PCDHGA7: variants seen among roughly 807,000 people sequenced by gnomAD.
The protein encoded by PCDHGA7 is protocadherin gamma subfamily A, 7.
A neutral mutation model predicts 58.3 loss-of-function variants in PCDHGA7; 44 were observed. That is an observed-to-expected ratio of 0.75 (90% CI 0.59 to 0.97). PCDHGA7 has a LOEUF of 0.97. Among genes scored for constraint, PCDHGA7 ranks in the 50% least tolerant of loss-of-function variants. The pLI is 0.00. For missense variants in PCDHGA7, 1,266 were observed against 1,188.7 expected, an observed-to-expected ratio of 1.06 and a Z score of -0.96; for synonymous variants, 516 against 504.2, an observed-to-expected ratio of 1.02 and a Z score of -0.31.
intron 1 of PCDHGA7, chr5:141,402,790 A>T: frequency 2.1e-6 from 2 of 961,358 alleles, no homozygotes; most frequent in Non-Finnish European, 2.9e-6. Context: ...TTCTGCGGCT[A>T]CACAAAACCC....
Position 141,444,152 on chromosome 5 carries a change from ATTTTTTTTTTTTTTTTT to A in PCDHGA7, c.2425-50635_2425-50619del, listed in dbSNP as rs747671382. Among the ~76,000 whole-genome samples, 167 of 33,906 alleles carry A rather than the reference ATTTTTTTTTTTTTTTTT, an allele frequency of 4.9e-3. 1 individual carries two copies. The highest frequency in any genetic ancestry group is 7.0e-3 in the Non-Finnish European group (136 of 19,318). The allele number at this position is 33,906 out of a possible 152,430, so 22.2% of individuals were successfully genotyped here. A position where few individuals can be genotyped will look rare whatever the true frequency, so the allele number is the denominator to read the frequency against. On this transcript the variant is annotated intron_variant, in intron 1 of 3. Coordinates refer to ENST00000518325, the MANE Select transcript of PCDHGA7 (RefSeq NM_018920.4). ...GATATGTGTCACTTGTGTGTACTGG[ATTTTTTTTTTTTTTTTT>A]TTTTTTTTTTTTTTTTTTTGAGATG...
chr5:141,459,687 G>A (rs191874235), intron 1 of PCDHGA7, among the ~76,000 whole-genome samples: 15 of 152,278 alleles, frequency 9.9e-5, no homozygotes, highest in Admixed American at 2.0e-4. Context: ...TGCATAAAGC[G>A]TTCCGCTTGC....
At chr5:141,415,540 T>C (rs1202920204) in intron 1 of PCDHGA7, 9 of 1,614,184 alleles carry the variant, frequency 5.6e-6, no homozygotes, top group Non-Finnish European at 7.6e-6. Context: ...CCAGGAGAGC[T>C]GTGAGAAAAA....
chr5:141,430,939 G>A, intron 1 of PCDHGA7: 1 of 1,607,854 alleles, frequency 6.2e-7, no homozygotes, highest in South Asian at 1.1e-5. Flanking sequence ...GGGAGCTCGC[G>A]GAGCGCGGAG....
rs750393068 is a variant in PCDHGA7 at position 141,383,324 on chromosome 5, T to C, written c.425T>C (p.Ile142Thr). The C allele has an allele frequency of 1.2e-6, 2 of 1,613,904 alleles. No individual in the cohort carries two copies. The highest frequency in any genetic ancestry group is 1.3e-5 in the African/African-American group (1 of 75,028). Residue 142 changes from isoleucine to threonine, a missense_variant, in exon 1 of 4, where the codon ATA (isoleucine) becomes ACA (threonine). Ile to Thr is a moderately conservative substitution (Grantham distance 89). Coordinates refer to ENST00000518325, the MANE Select transcript of PCDHGA7 (RefSeq NM_018920.4). ...TTGACGGAAGAAATAAATGTAAAAA[T>C]AATGGAGAATACAGCTCCTGGGGTT... Reference protein sequence around the residue: ...RFLTEEINVKIMENTAPGVRF... With the variant: ...RFLTEEINVKTMENTAPGVRF...
chr5:141,402,994 C>A (rs1253121982), intron 1 of PCDHGA7: 1 of 1,613,722 alleles, frequency 6.2e-7, no homozygotes, highest in Non-Finnish European at 8.5e-7. Context: ...GAAGATTAGT[C>A]CTGCTATGCT....
chr5:141,432,611 T>C lies in PCDHGA7; in HGVS notation c.2424+47288T>C, dbSNP rs141541670. On this transcript the variant is annotated intron_variant, in intron 1 of 3. Transcript: ENST00000518325. This position sits in a 1 kb window ranked among gnomAD's most constrained non-coding sequence, Gnocchi z 6.0. ...CAAGGCCAGCGAGCCGGGACTCTTC[T>C]CGGTGGGTCTGCACACGGGCGAGGT... The C allele has an allele frequency of 2.5e-6, 4 of 1,613,860 alleles. No homozygotes were observed. In the South Asian group the frequency reaches 4.4e-5, roughly 18 times the overall value.
intron 1 of PCDHGA7, chr5:141,479,563 G>A (rs1469231382): frequency 2.6e-5 from 4 of 152,206 alleles, no homozygotes; most frequent in Admixed American, 2.0e-4. Context: ...ATCCAGTAGT[G>A]GGATGACATC....
intron 1 of PCDHGA7, chr5:141,389,172 C>T: frequency 3.1e-6 from 5 of 1,614,036 alleles, no homozygotes; most frequent in Non-Finnish European, 4.2e-6. Context: ...CAAGCCTCCC[C>T]TCTCCTCCAG....
intron 1 of PCDHGA7, chr5:141,442,016 C>CCA (rs1561906409): frequency 4.6e-6 from 1 of 219,336 alleles, no homozygotes; most frequent in African/African-American, 2.4e-5. Context: ...GCACGATGGG[C>CCA]CACAGGAAAG....
intron 1 of PCDHGA7, among the ~76,000 whole-genome samples, chr5:141,492,341 C>T (rs2099739551): frequency 6.6e-6 from 1 of 152,222 alleles, no homozygotes; most frequent in East Asian, 1.9e-4. Flanking sequence ...CGAATACCAG[C>T]TTTCACTGCC....
At chr5:141,461,251 A>G (rs925406409) in intron 1 of PCDHGA7, among the ~76,000 whole-genome samples, 1 of 152,156 alleles carries the variant, frequency 6.6e-6, no homozygotes, top group Non-Finnish European at 1.5e-5. Flanking sequence ...TTATATTCCC[A>G]GCAGCAATGT....
chr5:141,413,400 G>A (rs1328176117), intron 1 of PCDHGA7: 4 of 1,614,060 alleles, frequency 2.5e-6, no homozygotes, highest in Non-Finnish European at 2.5e-6. Context: ...CCAGAGGTAG[G>A]ACGCAGCTTT....
intron 1 of PCDHGA7, chr5:141,417,116 C>A (rs1407873769): frequency 6.6e-6 from 1 of 151,954 alleles, no homozygotes; most frequent in Non-Finnish European, 1.5e-5. Context: ...ATACAGGACA[C>A]CCTGGATGAT....
intron 1 of PCDHGA7, chr5:141,392,883 TGGGAAATC>T (rs1224904365): frequency 3.1e-6 from 5 of 1,613,518 alleles, no homozygotes; most frequent in Non-Finnish European, 4.2e-6. Flanking sequence ...GGGAACGCTG[TGGGAAATC>T]GGGAGGGGAC....
At chr5:141,470,552 T>G (rs1303190360) in intron 1 of PCDHGA7, among the ~76,000 whole-genome samples, 1 of 151,966 alleles carries the variant, frequency 6.6e-6, no homozygotes, top group East Asian at 1.9e-4. Flanking sequence ...TTATTGAGAG[T>G]TTCCTCTGTG....
At position 141,404,162 on chromosome 5, in the gene PCDHGA7, T is replaced by C. The variant is rs768188662; in HGVS notation, c.2424+18839T>C. The C allele has an allele frequency of 2.0e-5, 33 of 1,613,076 alleles. No homozygotes were observed. In the East Asian group the frequency reaches 7.4e-4, roughly 36 times the overall value. ...AAATTCAGAAGAAGATTATTACAGA[T>C]TGTTGACGGCCCAAATTCTTGACCG... On this transcript the variant is annotated intron_variant, in intron 1 of 3. Transcript: ENST00000518325.
chr5:141,503,894 T>C (rs898125492), intron 2 of PCDHGA7, among the ~76,000 whole-genome samples: 2 of 152,144 alleles, frequency 1.3e-5, no homozygotes, highest in African/African-American at 4.8e-5. Flanking sequence ...CATGACAAAA[T>C]ATGCACACAC....
intron 1 of PCDHGA7, chr5:141,428,826 A>G (rs190740602): frequency 1.3e-5 from 2 of 149,304 alleles, no homozygotes; most frequent in South Asian, 2.1e-4. Context: ...GCTTTCATGT[A>G]TTTTTGAAAC....
Sources: gnomAD v4.1 joint callset for allele counts (sites outside exome capture counted in the v4.1 genomes callset) on GRCh38, gnomAD v4.1.1 for gene constraint, Gnocchi (gnomAD v3.1) non-coding constraint, MANE v1.5 for transcripts, NCBI Gene and HGNC (gene_info 2026-07-23, HGNC 2026-07-21) for gene names.